The following SLC16A7 variants were observed in gnomAD, a reference collection of about 807,000 sequenced individuals.
The protein encoded by SLC16A7 is monocarboxylate transporter 2.
SLC16A7 carries 33 observed loss-of-function variants against 34.9 expected under a neutral mutation model. That is an observed-to-expected ratio of 0.94 (90% CI 0.72 to 1.26). The LOEUF (loss-of-function observed/expected upper bound fraction) is 1.26, where lower values mean the gene tolerates loss of function less well. Ranked by LOEUF, SLC16A7 falls within the 50% of genes most tolerant of loss-of-function variation. The pLI, the probability that SLC16A7 is intolerant of heterozygous loss-of-function variation, is 0.00. For synonymous variants in SLC16A7, 201 were observed against 206.6 expected (o/e 0.97, Z 0.23); for missense variants, 573 against 578.1 (o/e 0.99, Z 0.09).
intron 4 of SLC16A7, among the ~76,000 whole-genome samples, chr12:59,772,952 G>T (rs1882376159): frequency 6.6e-6 from 1 of 151,982 alleles, no homozygotes. Context: ...TACCTATTTG[G>T]AGTAGATCAG....
intron 2 of SLC16A7, among the ~76,000 whole-genome samples, chr12:59,698,904 G>A (rs889414691): frequency 2.0e-5 from 3 of 151,654 alleles, no homozygotes; most frequent in African/African-American, 7.2e-5. Context: ...TAATGAGTTA[G>A]AAGTTGTTTT....
chr12:59,606,763 A>G (rs1392084526), intron 1 of SLC16A7, among the ~76,000 whole-genome samples: 1 of 152,230 alleles, frequency 6.6e-6, no homozygotes, highest in African/African-American at 2.4e-5. Flanking sequence ...ACAAATATGT[A>G]TAAGACATCT....
chr12:59,771,422 G>A, intron 4 of SLC16A7, 60 bp downstream of exon 4: 1 of 1,182,948 alleles, frequency 8.5e-7, no homozygotes, highest in Non-Finnish European at 1.1e-6. Context: ...AGCTCTATGA[G>A]AAGAATGAAC....
Position 59,782,440 on chromosome 12 carries a change from C to T in SLC16A7, c.*2761C>T, listed in dbSNP as rs1883313910. The T allele has an allele frequency of 6.6e-6, 1 of 152,134 alleles. No individual in the cohort carries two copies. Among genetic ancestry groups the T allele is most frequent in the Admixed American group, 6.5e-5 (1 of 15,274 alleles). 9.4% of individuals were successfully genotyped at this position (152,134 alleles called of 1,614,324 possible). ...AGGAGGAGATATATTTGGCTTCTGC[C>T]TCTGCAACAATTAGTATGAACATAT... On this transcript the variant is annotated 3_prime_UTR_variant, in exon 6 of 6. Coordinates refer to ENST00000547379, the MANE Select transcript of SLC16A7 (RefSeq NM_001270623.2).
rs948483325 is a variant in SLC16A7, at chr12:59,704,789, T to A, written c.-13T>A. On this transcript the variant is annotated 5_prime_UTR_variant, in exon 3 of 6. Transcript: ENST00000547379. The stretch of plus-strand genomic sequence containing the variant: ...TAATATAGGTTACTTGAATTTCCAC[T>A]AGAGGAGCAGAAATGCCACCAATGC... 5.0e-6 allele frequency: 8 copies of A among 1,594,244 alleles called. No homozygotes were observed. The East Asian group carries it at 1.8e-4, about 36-fold the overall frequency.
intron 3 of SLC16A7, among the ~76,000 whole-genome samples, chr12:59,720,981 C>G (rs1440669665): frequency 1.3e-5 from 2 of 152,072 alleles, no homozygotes; most frequent in African/African-American, 4.8e-5. Context: ...AACCAGAACT[C>G]TGGCTAAAGC....
chr12:59,651,179 A>G (rs953734323), intron 1 of SLC16A7, among the ~76,000 whole-genome samples: 1 of 152,134 alleles, frequency 6.6e-6, no homozygotes, highest in Non-Finnish European at 1.5e-5. Flanking sequence ...TATTTTTTCA[A>G]TGTTTATTGA....
At position 59,596,345 on chromosome 12, in the gene SLC16A7, CGT is replaced by C. The variant is rs1878394102; in HGVS notation, c.-130+115_-130+116del. 1 of 152,478 alleles carries C rather than the reference CGT, an allele frequency of 6.6e-6. No homozygotes were observed. Among genetic ancestry groups the C allele is most frequent in the African/African-American group, 2.4e-5 (1 of 41,420 alleles). 9.4% of individuals were successfully genotyped at this position (152,478 alleles called of 1,614,324 possible). A position where few individuals can be genotyped will look rare whatever the true frequency, so the allele number is the denominator to read the frequency against. On this transcript the variant is annotated intron_variant, in intron 1 of 5. Coordinates refer to ENST00000547379, the MANE Select transcript of SLC16A7 (RefSeq NM_001270623.2). This position sits in a 1 kb window ranked among gnomAD's most constrained non-coding sequence, Gnocchi z 5.0. ...CCCGAGCTGCCCGCGGAGCCGCACG[CGT>C]GTGTGCAAATAATGGCCAGCCTGTG...
intron 3 of SLC16A7, chr12:59,735,882 C>A (rs1190945989): frequency 3.8e-6 from 4 of 1,056,766 alleles, no homozygotes; most frequent in East Asian, 7.3e-5. Flanking sequence ...ATAAAACTAA[C>A]CTTTCAAATG....
chr12:59,776,738 G>T (rs1882798293), intron 5 of SLC16A7, among the ~76,000 whole-genome samples: 1 of 152,028 alleles, frequency 6.6e-6, no homozygotes, highest in African/African-American at 2.4e-5. Flanking sequence ...GACCTAGGTG[G>T]TGTGGTTGTT....
At chr12:59,670,966 T>G (rs1454177312) in intron 2 of SLC16A7, among the ~76,000 whole-genome samples, 1 of 151,440 alleles carries the variant, frequency 6.6e-6, no homozygotes, top group Non-Finnish European at 1.5e-5. Flanking sequence ...TCTCTTCATG[T>G]CATCCTGTCT....
intron 3 of SLC16A7, among the ~76,000 whole-genome samples, chr12:59,765,347 T>C (rs1592674997): frequency 6.6e-6 from 1 of 152,220 alleles, no homozygotes; most frequent in African/African-American, 2.4e-5. Context: ...TTAGATCTCA[T>C]TTGTCAATTT....
At chr12:59,688,123 T>A (rs372592168) in intron 2 of SLC16A7, among the ~76,000 whole-genome samples, 2 of 152,176 alleles carry the variant, frequency 1.3e-5, no homozygotes, top group East Asian at 1.9e-4. Context: ...CAGTGGATAG[T>A]TAACATTCTG....
intron 1 of SLC16A7, among the ~76,000 whole-genome samples, chr12:59,642,360 G>T (rs550005192): frequency 6.6e-6 from 1 of 151,740 alleles, no homozygotes; most frequent in Admixed American, 6.6e-5. Context: ...TTAGATATCC[G>T]TTCTTAGTGT....
At chr12:59,648,520 A>G (rs1462289313) in intron 1 of SLC16A7, among the ~76,000 whole-genome samples, 1 of 152,164 alleles carries the variant, frequency 6.6e-6, no homozygotes, top group African/African-American at 2.4e-5. Flanking sequence ...CTAAAAACCA[A>G]CTGAAGATTC....
intron 1 of SLC16A7, among the ~76,000 whole-genome samples, chr12:59,618,635 A>G (rs989585606): frequency 1.3e-5 from 2 of 151,932 alleles, no homozygotes; most frequent in Non-Finnish European, 1.5e-5. Flanking sequence ...AAAATACATC[A>G]TAGTTTGTAG....
At chr12:59,770,807 C>T (rs1393879569) in intron 3 of SLC16A7, among the ~76,000 whole-genome samples, 1 of 152,120 alleles carries the variant, frequency 6.6e-6, no homozygotes, top group Non-Finnish European at 1.5e-5. Flanking sequence ...TATGTGAATA[C>T]AGACACATTA....
chr12:59,646,064 A>C (rs187693544), intron 1 of SLC16A7, among the ~76,000 whole-genome samples: 2 of 152,300 alleles, frequency 1.3e-5, no homozygotes, highest in Admixed American at 1.3e-4. Flanking sequence ...AAAGTTTGGA[A>C]AATTTTCAGC....
Position 59,774,873 on chromosome 12 carries a change from C to A in SLC16A7, c.578C>A (p.Ser193Tyr). Residue 193 changes from serine (S) to tyrosine (Y), a missense_variant, in exon 5 of 6, where the codon TCC (serine) becomes TAC (tyrosine). Coordinates refer to ENST00000547379, the MANE Select transcript of SLC16A7 (RefSeq NM_001270623.2). ...CTTTTGAATGCCTGTGTGGCTGGTTCCCTCATGAGACCCCTTGGACCCAAT... is the reference window on the plus strand; with the variant it reads ...CTTTTGAATGCCTGTGTGGCTGGTTACCTCATGAGACCCCTTGGACCCAAT... ...SLLLNACVAG[S>Y]LMRPLGPNQT... The A allele has an allele frequency of 1.2e-6, 2 of 1,613,844 alleles. No individual in the cohort carries two copies. Among genetic ancestry groups the A allele is most frequent in the Non-Finnish European group, 1.7e-6 (2 of 1,179,904 alleles).
Sources: allele counts gnomAD v4.1 joint callset (sites outside exome capture counted in the v4.1 genomes callset), GRCh38; gene constraint gnomAD v4.1.1; non-coding constraint Gnocchi (gnomAD v3.1); transcripts MANE v1.5; gene names NCBI Gene and HGNC (gene_info 2026-07-23, HGNC 2026-07-21).